The following CFAP43 variants were observed in gnomAD, a reference collection of about 807,000 sequenced individuals.
CFAP43 encodes the protein cilia and flagella associated protein 43, also known as cilia- and flagella-associated protein 43.
A neutral mutation model predicts 218.9 loss-of-function variants in CFAP43; 155 were observed. The ratio of observed to expected loss-of-function variants is 0.71; its 90% CI spans 0.62 to 0.81. CFAP43 has a LOEUF of 0.81. Ranked by LOEUF, CFAP43 falls within the 30% of genes least tolerant of loss-of-function variation. The probability of loss-of-function intolerance (pLI) is 0.00; values close to 1 mark genes in which losing one functional copy is unlikely to be tolerated. For synonymous variants in CFAP43, 645 were observed against 681.3 expected (o/e 0.95, Z 0.83); for missense variants, 1,778 against 1,954.3 (o/e 0.91, Z 1.70).
chr10:104,154,105 A>G (rs1244938106), intron 27 of CFAP43, among the ~76,000 whole-genome samples: 2 of 152,204 alleles, frequency 1.3e-5, no homozygotes, highest in Non-Finnish European at 2.9e-5. Flanking sequence ...TCTCTATTGT[A>G]AAGTTAGTTT....
In CFAP43 at chr10:104,198,016, A is replaced by C; in HGVS notation, c.1118T>G (p.Phe373Cys). The C allele has an allele frequency of 6.2e-7, 1 of 1,611,154 alleles. No homozygotes were observed. Among genetic ancestry groups the C allele is most frequent in the Non-Finnish European group, 8.5e-7 (1 of 1,177,492 alleles). ...TTTATTTAAGGTTGGCTCCTTACCA[A>C]AAGTGTAGATATAAACAGATCCCTG... ...TDKGSVYIYTFGKEPTLNKVL... is the reference protein window; with the variant it reads ...TDKGSVYIYTCGKEPTLNKVL... Residue 373 changes from phenylalanine (F) to cysteine (C), a missense_variant, in exon 9 of 38, where the codon TTT (phenylalanine) becomes TGT (cysteine). Phe to Cys is a radical substitution (Grantham distance 205). Transcript: ENST00000357060.
intron 15 of CFAP43, among the ~76,000 whole-genome samples, 171 bp from the exon 16 acceptor site, chr10:104,185,317 A>G (rs1374381799): frequency 1.3e-5 from 2 of 152,322 alleles, no homozygotes; most frequent in Non-Finnish European, 2.9e-5. Context: ...TAAAATCCCC[A>G]GTTCAAACCA....
intron 2 of CFAP43, among the ~76,000 whole-genome samples, chr10:104,228,826 T>G (rs2091372329): frequency 6.6e-6 from 1 of 152,320 alleles, no homozygotes; most frequent in East Asian, 1.9e-4. Context: ...ACTATCGCAT[T>G]ATCCATCATC....
chr10:104,153,487 T>C (rs987934505), intron 27 of CFAP43, among the ~76,000 whole-genome samples: 1 of 152,164 alleles, frequency 6.6e-6, no homozygotes, highest in Non-Finnish European at 1.5e-5. Context: ...TTATTTCACA[T>C]TGCATGCCTG....
At position 104,167,617 on chromosome 10, in the gene CFAP43, G is replaced by A; in HGVS notation, c.2808+4C>T. ...TATAAACACATGTATATTTAAAATA[G>A]TACTTTAAGACACTCTGCTTCAATC... On this transcript the variant is annotated splice_donor_region_variant and intron_variant, in intron 22 of 37. Coordinates refer to ENST00000357060, the MANE Select transcript of CFAP43 (RefSeq NM_025145.7). The A allele has an allele frequency of 6.3e-7, 1 of 1,588,662 alleles. No homozygotes were observed. Among genetic ancestry groups the A allele is most frequent in the Non-Finnish European group, 8.6e-7 (1 of 1,169,474 alleles).
chr10:104,141,583 C>T (rs2087707883), intron 33 of CFAP43, among the ~76,000 whole-genome samples: 1 of 152,056 alleles, frequency 6.6e-6, no homozygotes, highest in Non-Finnish European at 1.5e-5. Context: ...TGCACTCCAG[C>T]TTGTGTGACA....
At chr10:104,199,017 T>G (rs934024889) in intron 8 of CFAP43, among the ~76,000 whole-genome samples, 1 of 152,202 alleles carries the variant, frequency 6.6e-6, no homozygotes, top group African/African-American at 2.4e-5. Flanking sequence ...AAAAATAATA[T>G]CTATTTATGT....
chr10:104,132,691 A>C (rs1404968809), intron 35 of CFAP43: 1 of 985,244 alleles, frequency 1.0e-6, no homozygotes, highest in African/African-American at 1.7e-5. Context: ...ACATTCATGT[A>C]CACTAATTAT....
At position 104,209,969 on chromosome 10, in the gene CFAP43, TTTTC is replaced by T. The variant is rs1442356867; in HGVS notation, c.735+2034_735+2037del. Among the ~76,000 whole-genome samples the T allele has an allele frequency of 2.0e-5, 3 of 152,222 alleles. No homozygotes were observed. In the East Asian group the frequency reaches 5.8e-4, roughly 29 times the overall value. On this transcript the variant is annotated intron_variant, in intron 5 of 37. Coordinates refer to ENST00000357060, the MANE Select transcript of CFAP43 (RefSeq NM_025145.7). Reference sequence around the variant, plus strand: ...ACCTACATACATCCCCCTGTAAATTTTTTCTTTATTTTTAATTATTTTATTTTAT... The same window carrying T: ...ACCTACATACATCCCCCTGTAAATTTTTTATTTTTAATTATTTTATTTTAT...
chr10:104,185,427 G>A (rs1340181973), intron 15 of CFAP43, among the ~76,000 whole-genome samples: 2 of 152,134 alleles, frequency 1.3e-5, no homozygotes, highest in Non-Finnish European at 2.9e-5. Flanking sequence ...ACACAGAGAA[G>A]TGAATGGATT....
chr10:104,163,573 T>C (rs2134818960), intron 24 of CFAP43, among the ~76,000 whole-genome samples: 1 of 152,160 alleles, frequency 6.6e-6, no homozygotes. Context: ...AGAGCCCCTT[T>C]CTCTGGGATC....
At chr10:104,139,343 T>C (rs1177089402) in intron 34 of CFAP43, among the ~76,000 whole-genome samples, 2 of 152,042 alleles carry the variant, frequency 1.3e-5, no homozygotes, top group Admixed American at 6.5e-5. Flanking sequence ...CCAAAGATAA[T>C]GACAAATATC....
Position 104,206,050 on chromosome 10 carries a change from A to C in CFAP43, c.896-20T>G. On this transcript the variant is annotated intron_variant, in intron 6 of 37. Coordinates refer to ENST00000357060, the MANE Select transcript of CFAP43 (RefSeq NM_025145.7). ...TTCTGTCTTCTGGAAAAGAAAAACA[A>C]GGTAAAGCAGGTGACGTAATTAAAA... 6.4e-7 allele frequency: 1 copy of C among 1,566,972 alleles called. No individual in the cohort carries two copies. The highest frequency in any genetic ancestry group is 8.7e-7 in the Non-Finnish European group (1 of 1,152,794).
chr10:104,227,559 G>T (rs919103628), intron 2 of CFAP43, among the ~76,000 whole-genome samples: 5 of 152,172 alleles, frequency 3.3e-5, no homozygotes, highest in Non-Finnish European at 5.9e-5. Context: ...GTTATTTGGA[G>T]TTTAGTGATT....
intron 21 of CFAP43, among the ~76,000 whole-genome samples, chr10:104,168,506 G>A (rs1356959111): frequency 1.3e-5 from 2 of 152,186 alleles, no homozygotes; most frequent in Non-Finnish European, 2.9e-5. Context: ...AGGAAAGGAG[G>A]AAAAGAATGC....
intron 3 of CFAP43, among the ~76,000 whole-genome samples, chr10:104,215,774 C>T (rs2090996122): frequency 6.6e-6 from 1 of 152,018 alleles, no homozygotes; most frequent in South Asian, 2.1e-4. Context: ...GCTTTGATTC[C>T]CATGAATAAA....
Position 104,232,301 on chromosome 10 carries a change from G to C in CFAP43, c.-55C>G. The C allele has an allele frequency of 5.4e-6, 8 of 1,491,998 alleles. No individual in the cohort carries two copies. In the South Asian group the frequency reaches 1.0e-4, roughly 19 times the overall value. 92.4% of individuals were successfully genotyped at this position (1,491,998 alleles called of 1,614,324 possible). ...CAGCGCACGCAGCACCCCAGGGCGG[G>C]TCGGTTACCTTTCCGCCGCCGCGGG... On this transcript the variant is annotated 5_prime_UTR_variant, in exon 1 of 38. Transcript: ENST00000357060.
intron 7 of CFAP43, among the ~76,000 whole-genome samples, chr10:104,205,049 C>G (rs1484678885): frequency 2.0e-5 from 3 of 151,940 alleles, no homozygotes; most frequent in Middle Eastern, 3.4e-3. Context: ...CCCGTCTCTA[C>G]TAAAAATACA....
chr10:104,221,435 G>T (rs1242186374), intron 3 of CFAP43, among the ~76,000 whole-genome samples: 1 of 152,160 alleles, frequency 6.6e-6, no homozygotes, highest in Non-Finnish European at 1.5e-5. Flanking sequence ...AGCCCCCATG[G>T]TTGAGATAAG....
Sources: allele counts gnomAD v4.1 joint callset (sites outside exome capture counted in the v4.1 genomes callset), GRCh38; gene constraint gnomAD v4.1.1; transcripts MANE v1.5; gene names NCBI Gene and HGNC (gene_info 2026-07-23, HGNC 2026-07-21).